The following ERI1 variants were observed in gnomAD, a reference collection of about 807,000 sequenced individuals.
ERI1 encodes exoribonuclease 1, also known as 3'-5' exoribonuclease 1.
Under a neutral mutation model 39.7 loss-of-function variants are expected in ERI1, and 39 were observed. That is an observed-to-expected ratio of 0.98 (90% confidence interval 0.76 to 1.28). ERI1 has a LOEUF of 1.28. ERI1 is among the 50% of genes most tolerant of loss of function. The probability of loss-of-function intolerance (pLI) is 0.00; values close to 1 mark genes in which losing one functional copy is unlikely to be tolerated. For synonymous variants in ERI1, 204 were observed against 149.6 expected (o/e 1.36, Z -2.65); for missense variants, 581 against 416.9 (o/e 1.39, Z -3.43).
intron 3 of ERI1, among the ~76,000 whole-genome samples, chr8:9,069,009 G>C (rs1452364363): frequency 6.6e-6 from 1 of 152,122 alleles, no homozygotes; most frequent in Admixed American, 6.5e-5. Flanking sequence ...ATAGAGATGA[G>C]GGCCGCGCTG....
At chr8:9,091,815 C>T (rs1254955808) in intron 3 of ERI1, among the ~76,000 whole-genome samples, 1 of 152,196 alleles carries the variant, frequency 6.6e-6, no homozygotes, top group Non-Finnish European at 1.5e-5. Context: ...TCTGGATTTA[C>T]AATAGTATTT....
Position 9,029,880 on chromosome 8 carries a change from C to CT in ERI1, c.897dup (p.Lys300Ter). The CT allele has an allele frequency of 6.2e-6, 10 of 1,614,158 alleles. No individual in the cohort carries two copies. The highest frequency in any genetic ancestry group is 1.3e-5 in the African/African-American group (1 of 75,020). On this transcript the variant is annotated frameshift_variant, in exon 7 of 7. Coordinates refer to ENST00000250263, the MANE Select transcript of ERI1 (RefSeq NM_153332.4). LOFTEE classifies it high-confidence loss of function. ...CGGCCTCACTGTGGTCTTGATGACT[C>CT]TAAGAATATCGCCCGAATAGCAGTT...
intron 1 of ERI1, chr8:9,004,224 C>T (rs1331276946): frequency 7.9e-7 from 1 of 1,260,024 alleles, no homozygotes; most frequent in South Asian, 1.3e-5. Context: ...ACTTGCACAT[C>T]CCTTCTCTTG....
chr8:9,079,673 G>A lies in ERI1; in HGVS notation n.300-36675G>A, dbSNP rs1338976966. Among the ~76,000 whole-genome samples the A allele has an allele frequency of 5.9e-5, 9 of 152,048 alleles. No homozygotes were observed. In the South Asian group the frequency reaches 1.7e-3, roughly 28 times the overall value. Reference sequence around the variant, plus strand: ...ATGAATTCCATTCGATCTTTGTTACGAGCAGGTTTGTTTGTTTTTTGAGAC... The same window carrying A: ...ATGAATTCCATTCGATCTTTGTTACAAGCAGGTTTGTTTGTTTTTTGAGAC... On this transcript the variant is annotated intron_variant and non_coding_transcript_variant, in intron 3 of 3. Transcript: ENST00000518663.
At chr8:9,009,785 C>T (rs577728861) in intron 2 of ERI1, among the ~76,000 whole-genome samples, 3 of 152,274 alleles carry the variant, frequency 2.0e-5, no homozygotes, top group African/African-American at 4.8e-5. Flanking sequence ...TGATTCACCC[C>T]CCTCCCAAAG....
In ERI1 at chr8:9,033,300, A is replaced by C. The variant is rs1436446298; in HGVS notation, c.*3266A>C. The C allele has an allele frequency of 6.6e-6, 1 of 152,230 alleles. No homozygotes were observed. The highest frequency in any genetic ancestry group is 1.9e-4 in the East Asian group (1 of 5,196). 9.4% of individuals were successfully genotyped at this position (152,230 alleles called of 1,614,324 possible). A position where few individuals can be genotyped will look rare whatever the true frequency, so the allele number is the denominator to read the frequency against. ...TAATATTTTGTATAATACGAAAATT[A>C]CGAAATTTTAGTTTCTCTAAATAAA... On this transcript the variant is annotated 3_prime_UTR_variant, in exon 7 of 7. Transcript: ENST00000250263.
chr8:9,024,700 C>T (rs1044708163), intron 6 of ERI1, among the ~76,000 whole-genome samples: 2 of 152,156 alleles, frequency 1.3e-5, no homozygotes, highest in South Asian at 2.1e-4. Flanking sequence ...GCTAGGATTA[C>T]AGGCATGAGC....
At position 9,028,973 on chromosome 8, in the gene ERI1, G is replaced by GTTTTTTTT. The variant is rs34569795; in HGVS notation, c.808-802_808-795dup. Among the ~76,000 whole-genome samples the GTTTTTTTT allele has an allele frequency of 3.4e-4, 38 of 113,088 alleles. 1 individual carries two copies. The highest frequency in any genetic ancestry group is 1.2e-3 in the African/African-American group (35 of 30,190). The allele number at this position is 113,088 out of a possible 152,430, so 74.2% of individuals were successfully genotyped here. ...ATATTGGAATTTGGGGAGTGTGAGA[G>GTTTTTTTT]TTTTTTTTTTTTTTTTTTTTTTTTA... On this transcript the variant is annotated intron_variant, in intron 6 of 6. Coordinates refer to ENST00000250263, the MANE Select transcript of ERI1 (RefSeq NM_153332.4).
intron 3 of ERI1, among the ~76,000 whole-genome samples, chr8:9,074,830 A>C (rs1799157543): frequency 6.6e-6 from 1 of 152,216 alleles, no homozygotes; most frequent in Non-Finnish European, 1.5e-5. Flanking sequence ...TAATTAATAG[A>C]GCACATCGTC....
At chr8:9,098,841 T>G (rs1422456108) in intron 3 of ERI1, among the ~76,000 whole-genome samples, 1 of 152,150 alleles carries the variant, frequency 6.6e-6, no homozygotes, top group African/African-American at 2.4e-5. Flanking sequence ...GTTTTTTGTT[T>G]GTTTGTTTGT....
intron 6 of ERI1, among the ~76,000 whole-genome samples, chr8:9,021,979 G>A (rs1448936837): frequency 6.6e-6 from 1 of 151,578 alleles, no homozygotes; most frequent in Non-Finnish European, 1.5e-5. Context: ...ATGTCCCCTG[G>A]TGTCTGTGCA....
At chr8:9,054,919 C>A in intron 3 of ERI1, among the ~76,000 whole-genome samples, 1 of 152,248 alleles carries the variant, frequency 6.6e-6, no homozygotes, top group East Asian at 1.9e-4. Flanking sequence ...CAAAGCAAGA[C>A]TCTGTCTCAA....
intron 6 of ERI1, among the ~76,000 whole-genome samples, chr8:9,029,125 A>G (rs994969387): frequency 2.6e-4 from 39 of 152,128 alleles, no homozygotes; most frequent in African/African-American, 8.7e-4. Flanking sequence ...TCAGTCAAGT[A>G]AAGTAATACA....
chr8:9,080,196 G>C (rs566305430), intron 3 of ERI1, among the ~76,000 whole-genome samples: 2 of 152,252 alleles, frequency 1.3e-5, no homozygotes, highest in South Asian at 4.1e-4. Context: ...GAGGGGAGTA[G>C]GACGTGATTG....
In ERI1 at chr8:9,004,563, G is replaced by T. The variant is rs924760724; in HGVS notation, c.108+1392G>T. ...TCCCGTAGTCCCAGCTACTGGGGAG[G>T]CTCAGTGGGGAGGATCACCTGAGCC... On this transcript the variant is annotated intron_variant, in intron 1 of 6. Transcript: ENST00000250263. Among the ~76,000 whole-genome samples, 8 of 148,206 alleles carry T rather than the reference G, an allele frequency of 5.4e-5. No homozygotes were observed. In the East Asian group the frequency reaches 1.6e-3, roughly 29 times the overall value.
At chr8:9,024,056 G>T (rs570942189) in intron 6 of ERI1, among the ~76,000 whole-genome samples, 3 of 152,002 alleles carry the variant, frequency 2.0e-5, no homozygotes, top group Non-Finnish European at 2.9e-5. Context: ...CACCTTGGCC[G>T]TCCAAAGTGC....
intron 6 of ERI1, among the ~76,000 whole-genome samples, chr8:9,027,755 T>G (rs1209858652): frequency 6.6e-6 from 1 of 152,216 alleles, no homozygotes; most frequent in African/African-American, 2.4e-5. Context: ...CCCCATTGAT[T>G]CAATGTATTT....
intron 3 of ERI1, among the ~76,000 whole-genome samples, chr8:9,097,199 G>A (rs924429859): frequency 2.0e-5 from 3 of 151,752 alleles, no homozygotes; most frequent in South Asian, 2.1e-4. Flanking sequence ...CTTTCTCCCC[G>A]CTTTCATATG....
At chr8:9,013,774 A>G (rs1816932622) in intron 3 of ERI1, among the ~76,000 whole-genome samples, 2 of 152,092 alleles carry the variant, frequency 1.3e-5, no homozygotes, top group African/African-American at 2.4e-5. Flanking sequence ...GAATCCTTCT[A>G]ATTGCTCAGT....
Sources: allele counts gnomAD v4.1 joint callset (sites outside exome capture counted in the v4.1 genomes callset), GRCh38; gene constraint gnomAD v4.1.1; transcripts MANE v1.5; gene names NCBI Gene and HGNC (gene_info 2026-07-23, HGNC 2026-07-21).